MRM1: variants seen among roughly 807,000 people sequenced by gnomAD.
The protein encoded by MRM1 is rRNA methyltransferase 1, mitochondrial.
Under a neutral mutation model 25.0 loss-of-function variants are expected in MRM1, and 24 were observed. The observed-to-expected ratio is 0.96, with a 90% CI of 0.69 to 1.35. The LOEUF is 1.35. Among genes scored for constraint, MRM1 ranks in the 40% most tolerant of loss-of-function variants. The probability of loss-of-function intolerance (pLI) is 0.00; values close to 1 mark genes in which losing one functional copy is unlikely to be tolerated. For missense variants in MRM1, 431 were observed against 464.1 expected (o/e 0.93, Z 0.65); for synonymous variants, 188 against 199.2 (o/e 0.94, Z 0.47).
chr17:36,616,443 G>T, the MRM1 span, among the ~76,000 whole-genome samples: 1 of 152,222 alleles, frequency 6.6e-6, no homozygotes, highest in Non-Finnish European at 1.5e-5. Context: ...CCTCAGCTCT[G>T]CAGAGACCCA....
the MRM1 span, among the ~76,000 whole-genome samples, chr17:36,626,112 T>G: frequency 6.6e-6 from 1 of 152,076 alleles, no homozygotes; most frequent in African/African-American, 2.4e-5. Context: ...CAGGATTGGC[T>G]GCGTTTCCCC....
the MRM1 span, among the ~76,000 whole-genome samples, chr17:36,618,699 C>T: frequency 1.3e-5 from 2 of 152,202 alleles, no homozygotes. Context: ...ACCTGCGCAG[C>T]CTCCGTACAA....
Position 36,602,613 on chromosome 17 carries a change from G to C in MRM1, c.603G>C (p.Val201=). The part of the protein sequence containing the change: ...SSAGAMEVMD[V]FSTDDLTGFL... ...CGGGGGCTATGGAGGTGATGGACGT[G>C]TTCTCCACTGATGACCTCACCGGAT... is the stretch of plus-strand genomic sequence containing the variant. The change falls in exon 2 of 5, where the codon GTG becomes GTC. Residue 201 remains valine (V), a synonymous_variant. Transcript: ENST00000614766. This position sits in a 1 kb window ranked among gnomAD's most constrained non-coding sequence, Gnocchi z 4.1. 1 of 1,614,202 alleles carries C rather than the reference G, an allele frequency of 6.2e-7. No homozygotes were observed. The highest frequency in any genetic ancestry group is 1.1e-5 in the South Asian group (1 of 91,088).
chr17:36,616,332 G>C, the MRM1 span, among the ~76,000 whole-genome samples: 2 of 152,212 alleles, frequency 1.3e-5, no homozygotes, highest in African/African-American at 4.8e-5. Flanking sequence ...CAGTGTCAGA[G>C]GAGGCAAGTC....
the MRM1 span, among the ~76,000 whole-genome samples, chr17:36,627,220 G>A: frequency 6.6e-6 from 1 of 152,158 alleles, no homozygotes; most frequent in African/African-American, 2.4e-5. Context: ...GCCCCTTTTG[G>A]GGGAAAGAAA....
In MRM1 at chr17:36,607,786, T is replaced by C. The variant is rs202137398; in HGVS notation, c.753T>C (p.Pro251=). The change falls in exon 3 of 5, where the codon CCT becomes CCC. Residue 251 remains proline (P), a synonymous_variant. Coordinates refer to ENST00000614766, the MANE Select transcript of MRM1 (RefSeq NM_024864.5). ...MSCLEFLWER[P]TLLVLGNEGS... Reference sequence around the variant, plus strand: ...GCTTGGAGTTCCTCTGGGAACGGCCTACTCTCCTTGTGCTGGGTAGGTGGA... The same window carrying C: ...GCTTGGAGTTCCTCTGGGAACGGCCCACTCTCCTTGTGCTGGGTAGGTGGA... 51 of 1,613,962 alleles carry C rather than the reference T, an allele frequency of 3.2e-5. No individual in the cohort carries two copies. The highest frequency in any genetic ancestry group is 4.3e-5 in the Non-Finnish European group (51 of 1,180,026).
the MRM1 span, among the ~76,000 whole-genome samples, chr17:36,623,705 C>G: frequency 1.3e-5 from 2 of 152,202 alleles, no homozygotes; most frequent in Non-Finnish European, 2.9e-5. Flanking sequence ...CCTGCTCAGG[C>G]ATCCTGGGGG....
At chr17:36,605,880 C>A (rs1445607796) in intron 2 of MRM1, among the ~76,000 whole-genome samples, 4 of 152,122 alleles carry the variant, frequency 2.6e-5, no homozygotes, top group African/African-American at 9.7e-5. Context: ...CCCACCTGGC[C>A]TCCTTTCTTC....
Position 36,601,646 on chromosome 17 carries a change from G to T in MRM1, c.-165G>T. On this transcript the variant is annotated 5_prime_UTR_variant, in exon 1 of 5. Coordinates refer to ENST00000614766, the MANE Select transcript of MRM1 (RefSeq NM_024864.5). ...CGGGTGGTCGTAGCTCGGTAGTCCA[G>T]TTGTGGGTAATCGGGGCTGTTTGTT... 2 of 728,848 alleles carry T rather than the reference G, an allele frequency of 2.7e-6. No individual in the cohort carries two copies. Among genetic ancestry groups the T allele is most frequent in the Non-Finnish European group, 4.2e-6 (2 of 475,574 alleles). 45.1% of individuals were successfully genotyped at this position (728,848 alleles called of 1,614,324 possible).
Position 36,608,488 on chromosome 17 carries a change from G to A in MRM1, c.*73G>A, listed in dbSNP as rs907196187. On this transcript the variant is annotated 3_prime_UTR_variant, in exon 5 of 5. Coordinates refer to ENST00000614766, the MANE Select transcript of MRM1 (RefSeq NM_024864.5). ...CCTGCCTCCGCCGGCTCCAGTGTGCGGGGAGCCTCTGCCTGAGTGTGCACC... is the reference window on the plus strand; with the variant it reads ...CCTGCCTCCGCCGGCTCCAGTGTGCAGGGAGCCTCTGCCTGAGTGTGCACC... The A allele has an allele frequency of 9.7e-6, 12 of 1,243,238 alleles. No individual in the cohort carries two copies. Among genetic ancestry groups the A allele is most frequent in the African/African-American group, 7.6e-5 (5 of 65,946 alleles). 77.0% of individuals were successfully genotyped at this position (1,243,238 alleles called of 1,614,324 possible). A position where few individuals can be genotyped will look rare whatever the true frequency, so the allele number is the denominator to read the frequency against.
chr17:36,633,945 G>A, the MRM1 span: 289 of 152,532 alleles, frequency 1.9e-3, 2 homozygotes, highest in Middle Eastern at 0.017. Flanking sequence ...TGGGAGCTGC[G>A]CGCTGGGGGT....
At chr17:36,610,235 A>ATGT (rs1407968142), downstream of MRM1, among the ~76,000 whole-genome samples, 1 of 108,086 alleles carries the variant, frequency 9.3e-6, no homozygotes, top group East Asian at 2.5e-4. Flanking sequence ...AGGGCCTAAG[A>ATGT]TCTTTTTTTT....
the MRM1 span, among the ~76,000 whole-genome samples, chr17:36,629,674 G>C: frequency 5.3e-5 from 8 of 151,974 alleles, no homozygotes; most frequent in Non-Finnish European, 1.2e-4. Context: ...GGCTGAAAGC[G>C]GGGCAGTGGG....
chr17:36,633,631 AAAG>A, the MRM1 span, among the ~76,000 whole-genome samples: 11 of 151,032 alleles, frequency 7.3e-5, no homozygotes, highest in East Asian at 2.0e-4. Context: ...AAGAGCAGGA[AAAG>A]GAGGAGGAGG....
At chr17:36,621,125 C>T in the MRM1 span, among the ~76,000 whole-genome samples, 7 of 152,172 alleles carry the variant, frequency 4.6e-5, no homozygotes, top group Non-Finnish European at 8.8e-5. Context: ...CTGGCAGGTG[C>T]TCAGTTAACT....
chr17:36,617,216 G>T, the MRM1 span, among the ~76,000 whole-genome samples: 3 of 152,082 alleles, frequency 2.0e-5, no homozygotes, highest in African/African-American at 7.2e-5. Flanking sequence ...TCAAATCCTG[G>T]CTCTGCTCCC....
At chr17:36,618,400 A>ACGTAGAGCAGGGGAAGGGGC in the MRM1 span, among the ~76,000 whole-genome samples, 1 of 152,142 alleles carries the variant, frequency 6.6e-6, no homozygotes, top group Non-Finnish European at 1.5e-5. Context: ...GGGGAAGGGG[A>ACGTAGAGCAGGGGAAGGGGC]CATAGAGCCC....
At position 36,601,935 on chromosome 17, in the gene MRM1, A is replaced by T; in HGVS notation, c.125A>T (p.Asp42Val). 1 of 1,612,884 alleles carries T rather than the reference A, an allele frequency of 6.2e-7. No individual in the cohort carries two copies. The highest frequency in any genetic ancestry group is 8.5e-7 in the Non-Finnish European group (1 of 1,179,826). Reference protein sequence around the residue: ...GEELSRLLLDDLVPTSRLELL... With the variant: ...GEELSRLLLDVLVPTSRLELL... ...GAGCTAAGCCGCTTGCTGCTGGATG[A>T]CCTGGTGCCGACCTCTCGGCTGGAG... Residue 42 changes from aspartate (D) to valine (V), a missense_variant, in exon 1 of 5, where the codon GAC becomes GTC. Coordinates refer to ENST00000614766, the MANE Select transcript of MRM1 (RefSeq NM_024864.5).
chr17:36,604,622 C>T (rs12941009), intron 2 of MRM1, among the ~76,000 whole-genome samples: 48,028 of 151,368 alleles, frequency 0.32, 8,553 homozygotes, highest in Non-Finnish European at 0.41. Context: ...CTGGCTAACA[C>T]GGTGAAACAC....
Sources: gnomAD v4.1 joint callset for allele counts (sites outside exome capture counted in the v4.1 genomes callset) on GRCh38, gnomAD v4.1.1 for gene constraint, Gnocchi (gnomAD v3.1) non-coding constraint, MANE v1.5 for transcripts, NCBI Gene and HGNC (gene_info 2026-07-23, HGNC 2026-07-21) for gene names.